BABAM2: variants seen among roughly 807,000 people sequenced by gnomAD.
BABAM2 encodes BRISC and BRCA1-A complex member 2.
In BABAM2, 31 loss-of-function variants were observed where a neutral mutation model predicts 54.7. The observed-to-expected ratio is 0.57, with a 90% CI of 0.43 to 0.77. BABAM2 has a LOEUF of 0.77. Among genes scored for constraint, BABAM2 ranks in the 30% least tolerant of loss-of-function variants. The pLI is 0.00. For synonymous variants in BABAM2, 167 were observed against 162.9 expected, an observed-to-expected ratio of 1.03 and a Z score of -0.19; for missense variants, 364 against 455.8, an observed-to-expected ratio of 0.80 and a Z score of 1.83.
chr2:28,048,250 C>T (rs1677746200), intron 6 of BABAM2, among the ~76,000 whole-genome samples: 1 of 152,194 alleles, frequency 6.6e-6, no homozygotes, highest in Non-Finnish European at 1.5e-5. Flanking sequence ...CCATCATTCA[C>T]TCATAAGTTC....
intron 10 of BABAM2, among the ~76,000 whole-genome samples, chr2:28,253,112 A>G (rs1683648596): frequency 6.6e-6 from 1 of 152,184 alleles, no homozygotes; most frequent in African/African-American, 2.4e-5. Context: ...GTTCACAGGT[A>G]TGGAGTGAAG....
intron 6 of BABAM2, among the ~76,000 whole-genome samples, chr2:28,121,532 G>C (rs1433610262): frequency 1.3e-5 from 2 of 152,120 alleles, no homozygotes; most frequent in East Asian, 1.9e-4. Flanking sequence ...GATTGGGGCT[G>C]TATATGCTAA....
At chr2:28,118,614 G>A (rs1668805614) in intron 6 of BABAM2, among the ~76,000 whole-genome samples, 1 of 152,034 alleles carries the variant, frequency 6.6e-6, no homozygotes, top group Non-Finnish European at 1.5e-5. Flanking sequence ...GTAAACTCTG[G>A]ATATTAGCCC....
intron 1 of BABAM2, among the ~76,000 whole-genome samples, chr2:27,891,618 A>G (rs1368000299): frequency 6.6e-6 from 1 of 151,756 alleles, no homozygotes; most frequent in African/African-American, 2.4e-5. Context: ...CTGTCCATGT[A>G]CCCGGTTCAC....
chr2:28,212,653 G>A (rs1193994496), intron 7 of BABAM2, among the ~76,000 whole-genome samples: 1 of 152,010 alleles, frequency 6.6e-6, no homozygotes, highest in Non-Finnish European at 1.5e-5. Flanking sequence ...TTTTATCCTT[G>A]AAACTAATCC....
chr2:28,047,098 C>A (rs1265910338), intron 6 of BABAM2, among the ~76,000 whole-genome samples: 2 of 152,100 alleles, frequency 1.3e-5, no homozygotes, highest in Non-Finnish European at 2.9e-5. Flanking sequence ...TTTTGTACTT[C>A]ATTAAACTTT....
intron 6 of BABAM2, among the ~76,000 whole-genome samples, chr2:28,118,638 T>G (rs1185500103): frequency 6.6e-6 from 1 of 152,132 alleles, no homozygotes; most frequent in Non-Finnish European, 1.5e-5. Flanking sequence ...GTCAGATAGG[T>G]AGATTTCAAA....
At chr2:27,998,329 GC>G (rs1353976186) in intron 4 of BABAM2, among the ~76,000 whole-genome samples, 3 of 151,632 alleles carry the variant, frequency 2.0e-5, no homozygotes, top group African/African-American at 7.3e-5. Flanking sequence ...ATTATTATTA[GC>G]ATTCGAAATA....
intron 6 of BABAM2, among the ~76,000 whole-genome samples, chr2:28,046,147 C>G (rs1441003851): frequency 1.3e-5 from 2 of 152,218 alleles, no homozygotes; most frequent in Non-Finnish European, 2.9e-5. Context: ...AACACCCTAG[C>G]CACTGCCTTC....
At chr2:28,007,438 T>C (rs925891534) in intron 4 of BABAM2, among the ~76,000 whole-genome samples, 1 of 152,062 alleles carries the variant, frequency 6.6e-6, no homozygotes, top group African/African-American at 2.4e-5. Context: ...CAAGAGGAAA[T>C]TGGCTCCAAG....
intron 10 of BABAM2, among the ~76,000 whole-genome samples, chr2:28,253,815 C>T (rs931547934): frequency 7.9e-5 from 12 of 152,140 alleles, no homozygotes; most frequent in Admixed American, 5.2e-4. Context: ...TCAGCAGAGA[C>T]ATTACTGTTC....
chr2:28,118,998 G>A (rs1490359030), intron 6 of BABAM2, among the ~76,000 whole-genome samples: 1 of 152,152 alleles, frequency 6.6e-6, no homozygotes, highest in East Asian at 1.9e-4. Context: ...CCCATTACAT[G>A]TTTTTGTCAG....
At chr2:28,040,923 A>G (rs1677051281) in intron 5 of BABAM2, among the ~76,000 whole-genome samples, 1 of 152,222 alleles carries the variant, frequency 6.6e-6, no homozygotes, top group African/African-American at 2.4e-5. Flanking sequence ...TTCTAGGATC[A>G]ACATTTTGAG....
chr2:27,894,819 T>G, intron 2 of BABAM2, 135 bp downstream of exon 2: 1 of 1,026,512 alleles, frequency 9.7e-7, no homozygotes, highest in Non-Finnish European at 1.4e-6. Flanking sequence ...CATATGTTGA[T>G]TCAGTTGGTT....
chr2:27,904,163 G>A (rs1270283434), intron 2 of BABAM2, among the ~76,000 whole-genome samples: 1 of 152,176 alleles, frequency 6.6e-6, no homozygotes. Flanking sequence ...TCTCAGAACA[G>A]CATGCAATTT....
At chr2:28,086,688 T>C (rs1429469975) in intron 6 of BABAM2, among the ~76,000 whole-genome samples, 1 of 152,226 alleles carries the variant, frequency 6.6e-6, no homozygotes, top group African/African-American at 2.4e-5. Flanking sequence ...TAGACAGAAA[T>C]AACAATGTAA....
intron 6 of BABAM2, among the ~76,000 whole-genome samples, chr2:28,074,611 G>T (rs548383800): frequency 6.6e-6 from 1 of 152,094 alleles, no homozygotes; most frequent in Admixed American, 6.5e-5. Context: ...AAGTCATGCC[G>T]TATTATACTG....
intron 4 of BABAM2, among the ~76,000 whole-genome samples, chr2:28,018,244 G>T (rs1674987625): frequency 6.6e-6 from 1 of 152,164 alleles, no homozygotes; most frequent in African/African-American, 2.4e-5. Context: ...CCACGTGTGA[G>T]TGAGAACATA....
intron 6 of BABAM2, among the ~76,000 whole-genome samples, chr2:28,088,981 A>C (rs571474372): frequency 6.6e-6 from 1 of 152,172 alleles, no homozygotes; most frequent in Non-Finnish European, 1.5e-5. Flanking sequence ...CTAAGTCTCT[A>C]AATCAGTGCC....
Sources: gnomAD v4.1 joint callset for allele counts (sites outside exome capture counted in the v4.1 genomes callset) on GRCh38, gnomAD v4.1.1 for gene constraint, MANE v1.5 for transcripts, NCBI Gene and HGNC (gene_info 2026-07-23, HGNC 2026-07-21) for gene names.